Variants in SAMD5 observed in about 807,000 individuals in gnomAD.
SAMD5 encodes sterile alpha motif domain containing 5.
Under a neutral mutation model 11.3 loss-of-function variants are expected in SAMD5, and 13 were observed. The observed-to-expected ratio is 1.15, with a 90% CI of 0.75 to 1.83. SAMD5 has a LOEUF of 1.83. Ranked by LOEUF, SAMD5 falls within the 40% of genes most tolerant of loss-of-function variation. The pLI, the probability that SAMD5 is intolerant of heterozygous loss-of-function variation, is 0.00. For missense variants in SAMD5, 255 were observed against 239.1 expected, an observed-to-expected ratio of 1.07 and a Z score of -0.44; for synonymous variants, 129 against 111.3, an observed-to-expected ratio of 1.16 and a Z score of -1.00.
chr6:147,860,650 T>TG, the SAMD5 span, among the ~76,000 whole-genome samples: 245 of 152,308 alleles, frequency 1.6e-3, no homozygotes, highest in African/African-American at 5.7e-3. Flanking sequence ...ACATGCACTT[T>TG]GGATGAATTG....
At chr6:147,571,999 A>G (rs1789144952), downstream of SAMD5, among the ~76,000 whole-genome samples, 1 of 146,236 alleles carries the variant, frequency 6.8e-6, no homozygotes, top group Admixed American at 6.8e-5. Context: ...TTTTTTTTTG[A>G]TGACCTCCAC....
At chr6:147,606,488 C>T (rs1789703469) in intron 1 of SAMD5, among the ~76,000 whole-genome samples, 1 of 151,536 alleles carries the variant, frequency 6.6e-6, no homozygotes, top group Non-Finnish European at 1.5e-5. Flanking sequence ...TTTATGTCTG[C>T]ATGGCACATG....
At chr6:147,844,668 TA>T in the SAMD5 span, among the ~76,000 whole-genome samples, 57,958 of 145,324 alleles carry the variant, frequency 0.4, 12,424 homozygotes, top group African/African-American at 0.6. Flanking sequence ...TAAAACAATT[TA>T]AAAAAAAAAA....
At chr6:147,735,254 A>C (rs1791780155) in intron 1 of SAMD5, among the ~76,000 whole-genome samples, 3 of 152,202 alleles carry the variant, frequency 2.0e-5, no homozygotes, top group Admixed American at 2.0e-4. Flanking sequence ...GTGCTAATTA[A>C]CATTTGTTTT....
At chr6:147,544,764 G>A (rs1369388932) in intron 1 of SAMD5, among the ~76,000 whole-genome samples, 1 of 152,154 alleles carries the variant, frequency 6.6e-6, no homozygotes, top group East Asian at 1.9e-4. Context: ...CTGTAGAAAT[G>A]TAAAATCCTG....
chr6:147,536,128 T>A (rs1446909010), intron 1 of SAMD5, among the ~76,000 whole-genome samples: 1 of 152,040 alleles, frequency 6.6e-6, no homozygotes, highest in Non-Finnish European at 1.5e-5. Context: ...GGACTCCAGG[T>A]GCCTGCCACC....
At chr6:147,852,456 T>A in the SAMD5 span, among the ~76,000 whole-genome samples, 1 of 149,586 alleles carries the variant, frequency 6.7e-6, no homozygotes, top group African/African-American at 2.6e-5. Context: ...ATTATGAACA[T>A]GTGTTTGATT....
intron 1 of SAMD5, among the ~76,000 whole-genome samples, chr6:147,719,336 C>T (rs1023191428): frequency 6.6e-6 from 1 of 152,176 alleles, no homozygotes; most frequent in Non-Finnish European, 1.5e-5. Flanking sequence ...CCTGGAGTGC[C>T]TATCTTAAAG....
the SAMD5 span, among the ~76,000 whole-genome samples, chr6:147,843,154 G>A: frequency 6.6e-6 from 1 of 152,116 alleles, no homozygotes; most frequent in Non-Finnish European, 1.5e-5. Context: ...GTGAGCCACT[G>A]CACCTGGCCA....
chr6:147,547,980 T>G (rs971187856), intron 1 of SAMD5, among the ~76,000 whole-genome samples: 4 of 152,224 alleles, frequency 2.6e-5, no homozygotes, highest in Non-Finnish European at 4.4e-5. Context: ...TTTAAAGGCT[T>G]CTTGATATAC....
At chr6:147,724,209 C>A (rs528132605) in intron 1 of SAMD5, among the ~76,000 whole-genome samples, 2 of 152,188 alleles carry the variant, frequency 1.3e-5, no homozygotes, top group African/African-American at 2.4e-5. Flanking sequence ...CTCACTGCAA[C>A]CTCCTCCTCA....
chr6:147,546,009 G>A (rs1047803731), intron 1 of SAMD5, among the ~76,000 whole-genome samples: 1 of 152,158 alleles, frequency 6.6e-6, no homozygotes, highest in Admixed American at 6.5e-5. Flanking sequence ...TCAGGATAAG[G>A]TAGGGTATGG....
At chr6:147,805,978 A>G in the SAMD5 span, among the ~76,000 whole-genome samples, 1 of 152,092 alleles carries the variant, frequency 6.6e-6, no homozygotes, top group Non-Finnish European at 1.5e-5. Context: ...TGTTATTATG[A>G]TCAGCTGCAT....
chr6:147,918,222 A>G, the SAMD5 span, among the ~76,000 whole-genome samples: 1 of 152,062 alleles, frequency 6.6e-6, no homozygotes, highest in African/African-American at 2.4e-5. Context: ...ATTTGTTTGT[A>G]TCCTCTTTTA....
chr6:147,519,757 G>A (rs536306467), intron 1 of SAMD5, among the ~76,000 whole-genome samples: 1 of 152,302 alleles, frequency 6.6e-6, no homozygotes, highest in Admixed American at 6.5e-5. Context: ...AGAATACAAT[G>A]CTTATTAAAG....
exon 2 of SAMD5, chr6:147,737,468 T>G (rs774167308): frequency 1.8e-5 from 10 of 541,488 alleles, no homozygotes; most frequent in South Asian, 1.1e-4. Flanking sequence ...CATTGTGTGT[T>G]GTTTTGCCAG....
chr6:147,650,214 C>T (rs1420773774), intron 1 of SAMD5, among the ~76,000 whole-genome samples: 1 of 152,192 alleles, frequency 6.6e-6, no homozygotes, highest in Non-Finnish European at 1.5e-5. Context: ...CAAGGGCCTA[C>T]AGTTCAGCAG....
chr6:147,943,910 C>T, the SAMD5 span, among the ~76,000 whole-genome samples: 4 of 152,110 alleles, frequency 2.6e-5, no homozygotes, highest in Non-Finnish European at 5.9e-5. Flanking sequence ...GGCCCCTTTT[C>T]CTGGCTCTCT....
chr6:147,853,477 C>A, the SAMD5 span, among the ~76,000 whole-genome samples: 3 of 151,860 alleles, frequency 2.0e-5, no homozygotes, highest in Non-Finnish European at 1.5e-5. Flanking sequence ...AGGTTATATT[C>A]CTGATCAGAT....
Sources: gnomAD v4.1 joint callset for allele counts (sites outside exome capture counted in the v4.1 genomes callset) on GRCh38, gnomAD v4.1.1 for gene constraint, MANE v1.5 for transcripts, NCBI Gene and HGNC (gene_info 2026-07-23, HGNC 2026-07-21) for gene names.